Variants in MAGED1 observed in about 807,000 individuals in gnomAD.
The protein encoded by MAGED1 is MAGE family member D1, also known as melanoma-associated antigen D1.
MAGED1 carries 3 observed loss-of-function variants against 54.1 expected under a neutral mutation model. That is an observed-to-expected ratio of 0.06 (90% CI 0.03 to 0.14). The LOEUF (loss-of-function observed/expected upper bound fraction) is 0.14. MAGED1 is among the 10% of genes least tolerant of loss of function. The pLI, the probability that MAGED1 is intolerant of heterozygous loss-of-function variation, is 1.00. For missense variants in MAGED1, 485 were observed against 623.4 expected (o/e 0.78, Z 2.36); for synonymous variants, 217 against 227.3 (o/e 0.95, Z 0.41).
intron 1 of MAGED1, among the ~76,000 whole-genome samples, chrX:51,872,343 TC>T (rs1298954630): frequency 1.8e-5 from 2 of 111,813 alleles, no homozygotes; most frequent in Admixed American, 1.9e-4. Flanking sequence ...AGACATGAAG[TC>T]CTTGTTGGGC....
intron 1 of MAGED1, among the ~76,000 whole-genome samples, chrX:51,827,278 A>AC (rs781809687): frequency 9.0e-6 from 1 of 111,041 alleles, no homozygotes; most frequent in African/African-American, 3.3e-5. Context: ...AAAGAAAAAA[A>AC]AAAGAAAGAA....
chrX:51,869,453 C>G (rs1927572890), intron 1 of MAGED1, among the ~76,000 whole-genome samples: 1 of 111,815 alleles, frequency 8.9e-6, no homozygotes, highest in African/African-American at 3.3e-5. Flanking sequence ...ATACCTGAGA[C>G]TGGACAATTT....
At chrX:51,874,656 T>A (rs1438859365) in intron 1 of MAGED1, among the ~76,000 whole-genome samples, 2 of 111,244 alleles carry the variant, frequency 1.8e-5, no homozygotes, top group Non-Finnish European at 3.8e-5. Context: ...TTACTTAACA[T>A]GACCATTCTT....
chrX:51,838,377 A>C (rs1245860588), intron 1 of MAGED1, among the ~76,000 whole-genome samples: 1 of 112,777 alleles, frequency 8.9e-6, no homozygotes, highest in African/African-American at 3.2e-5. Flanking sequence ...ATATTTAAAG[A>C]AATGTAGATG....
intron 1 of MAGED1, among the ~76,000 whole-genome samples, chrX:51,859,752 A>G (rs1438922128): frequency 1.8e-5 from 2 of 111,381 alleles, no homozygotes; most frequent in African/African-American, 6.5e-5. Flanking sequence ...GGAGGACCAG[A>G]CTTATAGAGA....
chrX:51,822,750 T>A (rs1557356653), intron 1 of MAGED1, among the ~76,000 whole-genome samples: 1 of 111,358 alleles, frequency 9.0e-6, no homozygotes, highest in Non-Finnish European at 1.9e-5. Flanking sequence ...TTGAGGATTA[T>A]TGTGTTTATA....
chrX:51,864,753 ATTAT>A (rs782136239), intron 1 of MAGED1, among the ~76,000 whole-genome samples: 1 of 110,800 alleles, frequency 9.0e-6, no homozygotes. Context: ...TCCCTTTTGG[ATTAT>A]TTATTGTTAG....
At chrX:51,836,620 A>AGT (rs1926261771) in intron 1 of MAGED1, among the ~76,000 whole-genome samples, 1 of 104,922 alleles carries the variant, frequency 9.5e-6, no homozygotes, top group Non-Finnish European at 1.9e-5. Flanking sequence ...CCCAGGCTGG[A>AGT]GTGCAGTGGC....
rs1221456217 is a variant in MAGED1, at chrX:51,894,471, G to A, written c.45+122G>A. The stretch of plus-strand genomic sequence containing the variant: ...CCCTATTTAGTGACTAGACTCCGTG[G>A]GCTTTTCGAATTCCCATCGTTTATC... On this transcript the variant is annotated intron_variant, in intron 2 of 12. Coordinates refer to ENST00000326587, the MANE Select transcript of MAGED1 (RefSeq NM_006986.4). The A allele has an allele frequency of 1.4e-4, 119 of 843,585 alleles. 1 individual carries two copies. In the East Asian group the frequency reaches 4.0e-3, roughly 28 times the overall value. 69.5% of individuals were successfully genotyped at this position (843,585 alleles called of 1,213,427 possible).
upstream of MAGED1, chrX:51,893,591 G>A (rs1928543770): frequency 8.8e-6 from 1 of 113,811 alleles, no homozygotes; most frequent in African/African-American, 3.2e-5. Flanking sequence ...GAGGCGGTGG[G>A]TGGTATATTA....
chrX:51,825,311 C>G (rs781808854), intron 1 of MAGED1, among the ~76,000 whole-genome samples: 1 of 110,971 alleles, frequency 9.0e-6, no homozygotes, highest in Non-Finnish European at 1.9e-5. Flanking sequence ...AGAGAGAGCT[C>G]TAAAGGGCAA....
intron 1 of MAGED1, among the ~76,000 whole-genome samples, chrX:51,813,021 CTTT>C (rs781836909): frequency 2.6e-5 from 2 of 76,823 alleles, no homozygotes; most frequent in Non-Finnish European, 5.0e-5. Flanking sequence ...CCGCTGACAT[CTTT>C]TTTTTTTTTT....
chrX:51,870,201 G>A (rs1927615602), intron 1 of MAGED1, among the ~76,000 whole-genome samples: 1 of 111,860 alleles, frequency 8.9e-6, no homozygotes, highest in Admixed American at 9.4e-5. Flanking sequence ...TTTAAAAAGT[G>A]AGGCTTGTAT....
At chrX:51,852,273 G>A (rs1940668528) in intron 1 of MAGED1, among the ~76,000 whole-genome samples, 1 of 111,240 alleles carries the variant, frequency 9.0e-6, no homozygotes, top group South Asian at 3.8e-4. Flanking sequence ...ATTACACTGG[G>A]CTCACCAAGA....
intron 1 of MAGED1, among the ~76,000 whole-genome samples, chrX:51,883,601 A>AATC (rs1379063272): frequency 8.9e-6 from 1 of 112,532 alleles, no homozygotes; most frequent in African/African-American, 3.2e-5. Flanking sequence ...GAACTGTAAT[A>AATC]ATCACAACTT....
At chrX:51,867,364 G>C (rs782729366) in intron 1 of MAGED1, among the ~76,000 whole-genome samples, 1 of 111,737 alleles carries the variant, frequency 8.9e-6, no homozygotes, top group African/African-American at 3.3e-5. Flanking sequence ...TAACTTACAC[G>C]ATCACAAGGT....
intron 1 of MAGED1, among the ~76,000 whole-genome samples, chrX:51,856,353 A>G (rs1265620574): frequency 1.8e-5 from 2 of 112,263 alleles, no homozygotes; most frequent in Non-Finnish European, 3.8e-5. Flanking sequence ...GTTTTCCAGA[A>G]AATTGTACTA....
intron 1 of MAGED1, among the ~76,000 whole-genome samples, chrX:51,825,155 G>A (rs1925808690): frequency 9.1e-6 from 1 of 110,259 alleles, no homozygotes; most frequent in African/African-American, 3.3e-5. Context: ...CTCACAGTAG[G>A]AGCCTGTCCA....
intron 1 of MAGED1, among the ~76,000 whole-genome samples, chrX:51,843,920 G>A (rs1926593923): frequency 8.9e-6 from 1 of 111,779 alleles, no homozygotes; most frequent in Admixed American, 9.5e-5. Flanking sequence ...TAGAAACATA[G>A]ATGTTAAACA....
Sources: allele counts gnomAD v4.1 joint callset (sites outside exome capture counted in the v4.1 genomes callset), GRCh38; gene constraint gnomAD v4.1.1; transcripts MANE v1.5; gene names NCBI Gene and HGNC (gene_info 2026-07-23, HGNC 2026-07-21).